The following CSMD1 variants were observed in gnomAD, a reference collection of about 807,000 sequenced individuals.
The protein encoded by CSMD1 is CUB and Sushi multiple domains 1, also known as CUB and sushi domain-containing protein 1.
CSMD1 carries 213 observed loss-of-function variants against 417.5 expected under a neutral mutation model. The ratio of observed to expected loss-of-function variants is 0.51; its 90% confidence interval spans 0.46 to 0.57. The LOEUF is 0.57. CSMD1 is among the 20% of genes least tolerant of loss of function. CSMD1 has a pLI of 0.00. For missense variants in CSMD1, 6,923 were observed against 4,529.7 expected (o/e 1.53, Z -15.17); for synonymous variants, 2,862 against 1,736.8 (o/e 1.65, Z -16.11).
At chr8:3,950,275 A>C (rs188688458) in intron 5 of CSMD1, among the ~76,000 whole-genome samples, 111 of 152,320 alleles carry the variant, frequency 7.3e-4, no homozygotes, top group African/African-American at 2.6e-3. Flanking sequence ...TTAAACACAA[A>C]TTATCAAAAT....
At chr8:4,918,563 C>G (rs1563762894) in intron 1 of CSMD1, among the ~76,000 whole-genome samples, 1 of 152,078 alleles carries the variant, frequency 6.6e-6, no homozygotes. Flanking sequence ...AATGTCTAGA[C>G]AAGCACTGCG....
chr8:3,148,944 T>G (rs1268255784), intron 40 of CSMD1, among the ~76,000 whole-genome samples: 5 of 152,242 alleles, frequency 3.3e-5, no homozygotes, highest in Admixed American at 1.3e-4. Context: ...AAGCTAGGGA[T>G]AATACTTTTC....
intron 1 of CSMD1, among the ~76,000 whole-genome samples, chr8:4,918,305 G>A (rs139560153): frequency 3.9e-5 from 6 of 152,226 alleles, no homozygotes; most frequent in East Asian, 1.9e-4. Flanking sequence ...TATGAGCTTC[G>A]AAAATCACAA....
At chr8:4,204,427 A>T (rs1799856605) in intron 3 of CSMD1, among the ~76,000 whole-genome samples, 1 of 152,196 alleles carries the variant, frequency 6.6e-6, no homozygotes, top group Non-Finnish European at 1.5e-5. Flanking sequence ...CCATAAGCTA[A>T]TTCCAAAACC....
At chr8:3,530,794 G>A (rs1797947813) in intron 10 of CSMD1, among the ~76,000 whole-genome samples, 1 of 151,722 alleles carries the variant, frequency 6.6e-6, no homozygotes, top group Admixed American at 6.6e-5. Context: ...CTCCCAAAGT[G>A]CTACTATTAC....
At chr8:4,631,458 C>T (rs1216636784) in intron 2 of CSMD1, among the ~76,000 whole-genome samples, 1 of 150,276 alleles carries the variant, frequency 6.7e-6, no homozygotes, top group Non-Finnish European at 1.5e-5. Context: ...GACCTTGTAG[C>T]AACTATGGAG....
intron 3 of CSMD1, among the ~76,000 whole-genome samples, chr8:4,273,939 C>T (rs894710871): frequency 6.6e-6 from 1 of 152,154 alleles, no homozygotes; most frequent in African/African-American, 2.4e-5. Context: ...TCTATGGAGG[C>T]TGTTGAAGTG....
At chr8:3,464,011 C>T (rs372918671) in intron 12 of CSMD1, among the ~76,000 whole-genome samples, 1 of 152,156 alleles carries the variant, frequency 6.6e-6, no homozygotes, top group Non-Finnish European at 1.5e-5. Flanking sequence ...AATGGTGATG[C>T]TGAAGTCAAA....
intron 8 of CSMD1, among the ~76,000 whole-genome samples, chr8:3,599,830 G>T (rs1451748531): frequency 6.6e-6 from 1 of 152,174 alleles, no homozygotes; most frequent in East Asian, 1.9e-4. Context: ...TCTGCTGGGA[G>T]CAACAGATCT....
At chr8:4,214,092 A>C (rs554870178) in intron 3 of CSMD1, among the ~76,000 whole-genome samples, 31 of 152,224 alleles carry the variant, frequency 2.0e-4, no homozygotes, top group Non-Finnish European at 4.0e-4. Flanking sequence ...CCAGCATCTT[A>C]CTCCCTCAAT....
intron 39 of CSMD1, among the ~76,000 whole-genome samples, chr8:3,156,261 C>A (rs1355502794): frequency 6.6e-6 from 1 of 152,176 alleles, no homozygotes. Context: ...AGCACACCCC[C>A]AGCAATACTT....
chr8:3,780,845 TTC>T (rs1799138334), intron 5 of CSMD1, among the ~76,000 whole-genome samples: 2 of 152,206 alleles, frequency 1.3e-5, no homozygotes, highest in Admixed American at 6.5e-5. Flanking sequence ...CTCAATAATT[TTC>T]TCTGCTTATT....
chr8:4,722,298 G>GA (rs1347569237), intron 1 of CSMD1, among the ~76,000 whole-genome samples: 11 of 151,792 alleles, frequency 7.2e-5, no homozygotes, highest in African/African-American at 9.7e-5. Context: ...GCAAGAAAGA[G>GA]AAAAAAATTG....
At chr8:2,996,518 C>T (rs1035734648) in intron 54 of CSMD1, among the ~76,000 whole-genome samples, 1 of 152,186 alleles carries the variant, frequency 6.6e-6, no homozygotes, top group Non-Finnish European at 1.5e-5. Flanking sequence ...AAGTATCAGG[C>T]CTGTGCAGTA....
intron 8 of CSMD1, among the ~76,000 whole-genome samples, chr8:3,608,092 A>C (rs898320726): frequency 4.0e-5 from 6 of 151,852 alleles, no homozygotes; most frequent in Non-Finnish European, 8.8e-5. Flanking sequence ...GAATTGTTTG[A>C]ACCTGGGAGG....
intron 5 of CSMD1, among the ~76,000 whole-genome samples, chr8:3,956,289 A>C (rs1048374194): frequency 6.6e-6 from 1 of 152,240 alleles, no homozygotes; most frequent in Non-Finnish European, 1.5e-5. Context: ...AAACCATCAC[A>C]TCAAAACTGT....
chr8:3,524,576 CTT>C (rs201475860), intron 10 of CSMD1, among the ~76,000 whole-genome samples: 2,115 of 150,470 alleles, frequency 0.014, 51 homozygotes, highest in African/African-American at 0.048. Context: ...TACCCAGACA[CTT>C]ATGCACACAC....
At chr8:3,912,859 C>T (rs907739852) in intron 5 of CSMD1, among the ~76,000 whole-genome samples, 2 of 151,900 alleles carry the variant, frequency 1.3e-5, no homozygotes, top group East Asian at 1.9e-4. Context: ...CTGGAGGGGG[C>T]GTAGTAGTGA....
intron 3 of CSMD1, among the ~76,000 whole-genome samples, chr8:4,305,841 T>C (rs1020546330): frequency 6.6e-6 from 1 of 152,188 alleles, no homozygotes; most frequent in African/African-American, 2.4e-5. Flanking sequence ...AACTTGCCGA[T>C]CTTGTATGGA....
Sources: gnomAD v4.1 joint callset for allele counts (sites outside exome capture counted in the v4.1 genomes callset) on GRCh38, gnomAD v4.1.1 for gene constraint, MANE v1.5 for transcripts, NCBI Gene and HGNC (gene_info 2026-07-23, HGNC 2026-07-21) for gene names.